WHRN: variants seen among roughly 807,000 people sequenced by gnomAD.
WHRN encodes whirlin, also known as CASK-interacting protein CIP98.
A neutral mutation model predicts 68.3 loss-of-function variants in WHRN; 41 were observed. The observed-to-expected ratio is 0.60, with a 90% confidence interval of 0.47 to 0.78. WHRN has a LOEUF of 0.78. WHRN is among the 30% of genes least tolerant of loss of function. The pLI is 0.00. For missense variants in WHRN, 1,243 were observed against 1,244.7 expected (o/e 1.00, Z 0.02); for synonymous variants, 560 against 561.3 (o/e 1.00, Z 0.03).
In WHRN at chr9:114,426,020, T is replaced by C. The variant is rs150121300; in HGVS notation, c.1166+191A>G. Reference sequence around the variant, plus strand: ...AGACAGTTGGATGGTGTATTTCAGCTTTCCATGGGGAAACTGAGGCCAAGA... The same window carrying C: ...AGACAGTTGGATGGTGTATTTCAGCCTTCCATGGGGAAACTGAGGCCAAGA... On this transcript the variant is annotated intron_variant, in intron 4 of 11. Transcript: ENST00000362057. 1,019 of 699,446 alleles carry C rather than the reference T, an allele frequency of 1.5e-3. 10 individuals carry two copies. The African/African-American group carries it at 0.016, about 11-fold the overall frequency. 43.3% of individuals were successfully genotyped at this position (699,446 alleles called of 1,614,324 possible).
intron 3 of WHRN, among the ~76,000 whole-genome samples, chr9:114,430,666 C>T (rs778916978): frequency 3.9e-5 from 6 of 152,214 alleles, no homozygotes; most frequent in Admixed American, 1.3e-4. Context: ...GTCACATTGT[C>T]CTCATGCCTG....
At chr9:114,495,130 G>A (rs908304472) in intron 1 of WHRN, among the ~76,000 whole-genome samples, 8 of 152,248 alleles carry the variant, frequency 5.3e-5, no homozygotes, top group African/African-American at 1.2e-4. Context: ...ACAACTTGGG[G>A]AACAGGACTG....
At chr9:114,496,257 A>G (rs1843447562) in intron 1 of WHRN, among the ~76,000 whole-genome samples, 2 of 152,188 alleles carry the variant, frequency 1.3e-5, no homozygotes. Flanking sequence ...ACTGTCTGGT[A>G]TGCCACCCAC....
At chr9:114,466,047 C>T (rs976439314) in intron 3 of WHRN, among the ~76,000 whole-genome samples, 1 of 152,226 alleles carries the variant, frequency 6.6e-6, no homozygotes, top group Admixed American at 6.5e-5. Context: ...TGCAAAACAG[C>T]AGCACGACAA....
chr9:114,425,994 G>A, intron 4 of WHRN: 1 of 630,846 alleles, frequency 1.6e-6, no homozygotes, highest in South Asian at 1.8e-5. Flanking sequence ...AATAAAGAAT[G>A]AGACAGTTGG....
At chr9:114,497,518 AAAAAAAAAAGAAAAGG>A (rs771634773) in intron 1 of WHRN, among the ~76,000 whole-genome samples, 15 of 151,074 alleles carry the variant, frequency 9.9e-5, no homozygotes, top group Admixed American at 1.3e-4. Context: ...TTTGTTTTTA[AAAAAAAAAAGAAAAGG>A]AAAAAAAAAA....
rs1835086682 is a variant in WHRN, at chr9:114,406,992, T to G, written c.1699-100A>C. 7.8e-6 allele frequency: 11 copies of G among 1,408,630 alleles called. No homozygotes were observed. In the South Asian group the frequency reaches 1.2e-4, roughly 16 times the overall value. The allele number at this position is 1,408,630 out of a possible 1,614,324, so 87.3% of individuals were successfully genotyped here. On this transcript the variant is annotated intron_variant, in intron 8 of 11. Coordinates refer to ENST00000362057, the MANE Select transcript of WHRN (RefSeq NM_015404.4). Reference sequence around the variant, plus strand: ...GTGGTGCCAGGCCCAGCTGGAATTCTGTCCCCACTCTAACTGCTCTTGGCC... The same window carrying G: ...GTGGTGCCAGGCCCAGCTGGAATTCGGTCCCCACTCTAACTGCTCTTGGCC...
Position 114,482,626 on chromosome 9 carries a change from A to G in WHRN, c.619-3855T>C, listed in dbSNP as rs373529728. On this transcript the variant is annotated intron_variant, in intron 1 of 11. Coordinates refer to ENST00000362057, the MANE Select transcript of WHRN (RefSeq NM_015404.4). ...GGCAGAGCCCACTCCCCTCCCCCTC[A>G]GCATGTCTGCATGGAGATCGAAAAC... 7.9e-5 allele frequency among the ~76,000 whole-genome samples: 12 copies of G among 152,214 alleles called. No individual in the cohort carries two copies. In the East Asian group the frequency reaches 1.2e-3, roughly 15 times the overall value.
intron 3 of WHRN, among the ~76,000 whole-genome samples, chr9:114,432,748 G>A (rs558570746): frequency 6.6e-6 from 1 of 152,274 alleles, no homozygotes; most frequent in East Asian, 1.9e-4. Flanking sequence ...TTTACTGAAT[G>A]AACAAGTATA....
chr9:114,451,689 A>T (rs1008488052), intron 3 of WHRN, among the ~76,000 whole-genome samples: 1 of 151,954 alleles, frequency 6.6e-6, no homozygotes, highest in Non-Finnish European at 1.5e-5. Context: ...TCTGCCTGAG[A>T]ACCACTTCAC....
chr9:114,448,149 G>A (rs1017346055), intron 3 of WHRN, among the ~76,000 whole-genome samples: 1 of 152,242 alleles, frequency 6.6e-6, no homozygotes, highest in African/African-American at 2.4e-5. Context: ...ATTAAGTTAA[G>A]GATCTCAAAA....
chr9:114,504,523 C>T lies in WHRN; in HGVS notation c.279G>A (p.Met93Ile), dbSNP rs1174879862. The stretch of plus-strand genomic sequence containing the variant: ...CGGAGCGCGGGATGACCAGACGAAG[C>T]ATGGGCAGCAGGCGCCGCTTGACCG... ...DSPVKRRLLPMLRLVIPRSDQ... is the reference protein window; with the variant it reads ...DSPVKRRLLPILRLVIPRSDQ... The change falls in exon 1 of 12, where the codon ATG becomes ATA. Residue 93 changes from methionine to isoleucine, a missense_variant. Transcript: ENST00000362057. 7 of 1,610,088 alleles carry T rather than the reference C, an allele frequency of 4.3e-6. No individual in the cohort carries two copies. Among genetic ancestry groups the T allele is most frequent in the African/African-American group, 1.3e-5 (1 of 75,068 alleles).
In WHRN at chr9:114,404,005, T is replaced by A. The variant is rs1168947739; in HGVS notation, c.2309A>T (p.Glu770Val). The A allele has an allele frequency of 5.0e-6, 8 of 1,613,094 alleles. No individual in the cohort carries two copies. Among genetic ancestry groups the A allele is most frequent in the Middle Eastern group, 1.6e-4 (1 of 6,062 alleles). The stretch of plus-strand genomic sequence containing the variant: ...TCGGCCTGGGGCGCTGGCCTCTGCC[T>A]CGCCAGCATCCACACCACTGTCCTC... ...LSEDSGVDAGEAEASAPGRGR... is the reference protein window; with the variant it reads ...LSEDSGVDAGVAEASAPGRGR... Residue 770 changes from glutamate to valine, a missense_variant, in exon 10 of 12, where the codon GAG (glutamate) becomes GTG (valine). Physicochemically the swap from Glu to Val is moderately radical, Grantham distance 121 (BLOSUM62 -2). Transcript: ENST00000362057.
rs748878766 is a variant in WHRN at position 114,466,344 on chromosome 9, C to A, written c.886G>T (p.Gly296Trp). ...DGRSLGLTIR[G>W]GAEYGLGIYI... Reference sequence around the variant, plus strand: ...ATGCCAAGGCCGTACTCAGCTCCCCCACGGATCGTGAGGCCCAGGGACCGG... The same window carrying A: ...ATGCCAAGGCCGTACTCAGCTCCCCAACGGATCGTGAGGCCCAGGGACCGG... Residue 296 changes from glycine (G) to tryptophan (W), a missense_variant, in exon 3 of 12, where the codon GGG becomes TGG. Physicochemically the swap from Gly to Trp is radical, Grantham distance 184. Transcript: ENST00000362057. 3.7e-6 allele frequency: 6 copies of A among 1,614,160 alleles called. No homozygotes were observed. The highest frequency in any genetic ancestry group is 4.2e-6 in the Non-Finnish European group (5 of 1,180,038).
At chr9:114,408,148 C>G (rs1564118536) in intron 7 of WHRN, 130 bp from the exon 8 acceptor site, 1 of 741,996 alleles carries the variant, frequency 1.3e-6, no homozygotes, top group African/African-American at 1.7e-5. Context: ...CCTGACATAC[C>G]TCACTTCATC....
intron 3 of WHRN, among the ~76,000 whole-genome samples, chr9:114,447,086 G>A (rs577843623): frequency 2.0e-5 from 3 of 152,176 alleles, no homozygotes; most frequent in Middle Eastern, 6.8e-3. Context: ...CTCTTCACAG[G>A]GGCAAAAATC....
chr9:114,455,799 T>C (rs1312121484), intron 3 of WHRN, among the ~76,000 whole-genome samples: 1 of 152,152 alleles, frequency 6.6e-6, no homozygotes, highest in African/African-American at 2.4e-5. Flanking sequence ...ATGATGGTGT[T>C]ATATCTCAAT....
intron 1 of WHRN, among the ~76,000 whole-genome samples, chr9:114,493,808 C>T (rs1234329717): frequency 6.6e-6 from 1 of 152,202 alleles, no homozygotes; most frequent in African/African-American, 2.4e-5. Context: ...CAGGGGAGAA[C>T]AGGGAAGCTG....
intron 3 of WHRN, among the ~76,000 whole-genome samples, chr9:114,465,523 T>A (rs1331947924): frequency 6.6e-6 from 1 of 152,188 alleles, no homozygotes; most frequent in Non-Finnish European, 1.5e-5. Flanking sequence ...TGCTGTGGCA[T>A]CCCTGGCATC....
Sources: allele counts gnomAD v4.1 joint callset (sites outside exome capture counted in the v4.1 genomes callset), GRCh38; gene constraint gnomAD v4.1.1; transcripts MANE v1.5; gene names NCBI Gene and HGNC (gene_info 2026-07-23, HGNC 2026-07-21).